The following GHRH variants were observed in gnomAD, a reference collection of about 807,000 sequenced individuals.
GHRH encodes somatoliberin.
Under a neutral mutation model 15.6 loss-of-function variants are expected in GHRH, and 7 were observed. The observed-to-expected ratio is 0.45, with a 90% CI of 0.26 to 0.84. The LOEUF (loss-of-function observed/expected upper bound fraction) is 0.84, where lower values mean the gene tolerates loss of function less well. Among genes scored for constraint, GHRH ranks in the 40% least tolerant of loss-of-function variants. GHRH has a pLI of 0.18. For synonymous variants in GHRH, 54 were observed against 50.4 expected, an observed-to-expected ratio of 1.07 and a Z score of -0.30; for missense variants, 117 against 138.0, an observed-to-expected ratio of 0.85 and a Z score of 0.76.
chr20:37,255,563 G>A (rs1460326368), intron 3 of GHRH, among the ~76,000 whole-genome samples: 2 of 150,814 alleles, frequency 1.3e-5, no homozygotes, highest in Non-Finnish European at 3.0e-5. Context: ...CGGGAGGCTG[G>A]GGCAGGAGAA....
intron 4 of GHRH, among the ~76,000 whole-genome samples, chr20:37,252,851 C>CAA (rs2068629774): frequency 6.6e-6 from 1 of 152,116 alleles, no homozygotes; most frequent in Admixed American, 6.5e-5. Context: ...CCAGCCTGGC[C>CAA]AACATGGTGA....
chr20:37,254,442 T>TC, intron 3 of GHRH, 113 bp from the exon 4 acceptor site: 1 of 1,086,710 alleles, frequency 9.2e-7, no homozygotes, highest in Non-Finnish European at 1.4e-6. Context: ...CCCAACTGAA[T>TC]TAGATTCAGC....
At chr20:37,254,158 G>A (rs904784100) in intron 4 of GHRH, 52 bp downstream of exon 4, 15 of 1,604,900 alleles carry the variant, frequency 9.3e-6, no homozygotes, top group African/African-American at 8.0e-5. Flanking sequence ...GGCAAACCAC[G>A]GGGTAGGAAG....
chr20:37,253,460 C>A (rs543276109), intron 4 of GHRH, among the ~76,000 whole-genome samples: 1 of 152,330 alleles, frequency 6.6e-6, no homozygotes, highest in African/African-American at 2.4e-5. Context: ...TGGGTCGTAT[C>A]ACGGAACCAT....
Position 37,256,898 on chromosome 20 carries a change from CG to C in GHRH, c.-10del. 6.2e-7 allele frequency: 1 copy of C among 1,601,148 alleles called. No homozygotes were observed. Among genetic ancestry groups the C allele is most frequent in the Admixed American group, 1.7e-5 (1 of 57,990 alleles). On this transcript the variant is annotated 5_prime_UTR_variant, in exon 2 of 5. Coordinates refer to ENST00000373614, the MANE Select transcript of GHRH (RefSeq NM_021081.6). ...AACACCCAGAGTGGCATCCTTCACC[CG>C]GGGTGGCACCTGCAGAGTGACAGGA...
Position 37,256,822 on chromosome 20 carries a change from G to A in GHRH, c.68C>T (p.Pro23Leu), listed in dbSNP as rs1254550906. The change falls in exon 2 of 5, where the codon CCC becomes CTC. Residue 23 changes from proline (P) to leucine (L), a missense_variant. Pro to Leu is a moderately conservative substitution (Grantham distance 98). Transcript: ENST00000373614. ...GTCTGCTTACCTGAGGGTCAAAGGG[G>A]GAGGTGGGGAGCAGTGGGAGCTGTT... Reference protein sequence around the residue: ...LSNSSHCSPPPPLTLRMRRYA... With the variant: ...LSNSSHCSPPLPLTLRMRRYA... 9 of 1,612,596 alleles carry A rather than the reference G, an allele frequency of 5.6e-6. No individual in the cohort carries two copies. Among genetic ancestry groups the A allele is most frequent in the South Asian group, 1.1e-5 (1 of 90,742 alleles).
chr20:37,251,323 G>T, intron 4 of GHRH, 92 bp from the exon 5 acceptor site: 1 of 1,010,230 alleles, frequency 9.9e-7, no homozygotes, highest in Non-Finnish European at 1.5e-6. Context: ...GTGCTCCCGT[G>T]ACAGGAGCTG....
chr20:37,251,896 G>C (rs1179650672), intron 4 of GHRH, among the ~76,000 whole-genome samples: 1 of 152,204 alleles, frequency 6.6e-6, no homozygotes, highest in Non-Finnish European at 1.5e-5. Context: ...GCTGGAGGGG[G>C]AACAATGGCT....
At chr20:37,260,057 G>A (rs911001749) in intron 1 of GHRH, among the ~76,000 whole-genome samples, 2 of 152,196 alleles carry the variant, frequency 1.3e-5, no homozygotes, top group Non-Finnish European at 2.9e-5. Context: ...TGCACACCCA[G>A]TAGTTTCAGG....
At chr20:37,260,856 T>A (rs1488002834) in intron 1 of GHRH, among the ~76,000 whole-genome samples, 1 of 152,190 alleles carries the variant, frequency 6.6e-6, no homozygotes, top group African/African-American at 2.4e-5. Flanking sequence ...CCAGCTTTCA[T>A]GCCAGGAATG....
intron 3 of GHRH, among the ~76,000 whole-genome samples, chr20:37,255,427 G>A (rs1253047308): frequency 2.6e-5 from 4 of 151,942 alleles, no homozygotes; most frequent in South Asian, 2.1e-4. Context: ...TTGGGAGGCC[G>A]AGGCGGGCAG....
At chr20:37,259,606 A>C (rs1261752526) in intron 1 of GHRH, among the ~76,000 whole-genome samples, 2 of 152,016 alleles carry the variant, frequency 1.3e-5, no homozygotes, top group Non-Finnish European at 2.9e-5. Context: ...TCTTGGCTTA[A>C]GCTCTCCCTC....
chr20:37,254,102 G>T, intron 4 of GHRH, 108 bp downstream of exon 4: 1 of 1,169,762 alleles, frequency 8.5e-7, no homozygotes, highest in Non-Finnish European at 1.2e-6. Context: ...GGTTTGTTTG[G>T]CAGAGCCCCA....
chr20:37,257,729 G>A (rs1246734483), intron 1 of GHRH, among the ~76,000 whole-genome samples: 1 of 152,178 alleles, frequency 6.6e-6, no homozygotes, highest in Admixed American at 6.6e-5. Flanking sequence ...CCCAGGACAA[G>A]TGGCTTCACC....
Position 37,254,231 on chromosome 20 carries a change from A to T in GHRH, c.287T>A (p.Val96Glu), listed in dbSNP as rs1415371936. 1 of 1,614,182 alleles carries T rather than the reference A, an allele frequency of 6.2e-7. No homozygotes were observed. Among genetic ancestry groups the T allele is most frequent in the Non-Finnish European group, 8.5e-7 (1 of 1,180,020 alleles). Residue 96 changes from valine (V) to glutamate (E), a missense_variant, in exon 4 of 5, where the codon GTG becomes GAG. Val to Glu is a moderately radical substitution (Grantham distance 121). Coordinates refer to ENST00000373614, the MANE Select transcript of GHRH (RefSeq NM_021081.6). ...QKQMELESIL[V>E]ALLQKHSRNS... ...ATACCTGTGCTTCTGCAGCAGGGCC[A>T]CCAGGATGCTCTCCAATTCCATTTG...
chr20:37,258,656 A>G lies in GHRH; in HGVS notation c.-19-1748T>C, dbSNP rs2068671620. 2.0e-5 allele frequency among the ~76,000 whole-genome samples: 3 copies of G among 152,140 alleles called. No individual in the cohort carries two copies. Among genetic ancestry groups the G allele is most frequent in the Admixed American group, 2.0e-4 (3 of 15,272 alleles). ...ACAACACGCACACTGGCTGTCCTCC[A>G]CTTCCTGCTCGAGTGAGCACTTGCT... On this transcript the variant is annotated intron_variant, in intron 1 of 4. Transcript: ENST00000373614. This position sits in a 1 kb window ranked among gnomAD's most constrained non-coding sequence, Gnocchi z 4.1.
chr20:37,257,967 G>A (rs1052671121), intron 1 of GHRH, among the ~76,000 whole-genome samples: 2 of 152,224 alleles, frequency 1.3e-5, no homozygotes, highest in African/African-American at 4.8e-5. Context: ...TGCTCCAGAT[G>A]CTTAGATTTT....
At chr20:37,253,532 C>G (rs1357807632) in intron 4 of GHRH, among the ~76,000 whole-genome samples, 1 of 152,194 alleles carries the variant, frequency 6.6e-6, no homozygotes, top group East Asian at 1.9e-4. Flanking sequence ...CACTGGGATA[C>G]AGCCATGGAT....
chr20:37,260,840 C>A (rs767846259), intron 1 of GHRH, among the ~76,000 whole-genome samples: 11 of 152,180 alleles, frequency 7.2e-5, no homozygotes, highest in Non-Finnish European at 1.5e-4. Flanking sequence ...CCGTTGGCAC[C>A]TTTTGCCAGC....
Sources: allele counts gnomAD v4.1 joint callset (sites outside exome capture counted in the v4.1 genomes callset), GRCh38; gene constraint gnomAD v4.1.1; non-coding constraint Gnocchi (gnomAD v3.1); transcripts MANE v1.5; gene names NCBI Gene and HGNC (gene_info 2026-07-23, HGNC 2026-07-21).